Variants in CDK5RAP2 observed in about 807,000 individuals in gnomAD.
CDK5RAP2 encodes CDK5 regulatory subunit associated protein 2, also known as CDK5 regulatory subunit-associated protein 2.
Under a neutral mutation model 232.9 loss-of-function variants are expected in CDK5RAP2, and 147 were observed. The ratio of observed to expected loss-of-function variants is 0.63; its 90% CI spans 0.55 to 0.72. The LOEUF (loss-of-function observed/expected upper bound fraction) is 0.72, where lower values mean the gene tolerates loss of function less well. Ranked by LOEUF, CDK5RAP2 falls within the 30% of genes least tolerant of loss-of-function variation. CDK5RAP2 has a pLI of 0.00. For missense variants in CDK5RAP2, 2,195 were observed against 2,231.5 expected (o/e 0.98, Z 0.33); for synonymous variants, 833 against 833.7 (o/e 1.00, Z 0.01).
intron 32 of CDK5RAP2, among the ~76,000 whole-genome samples, chr9:120,404,784 T>A (rs908154110): frequency 6.6e-6 from 1 of 152,048 alleles, no homozygotes; most frequent in East Asian, 1.9e-4. Context: ...TAACCCACAA[T>A]AGGATCTGGG....
At chr9:120,539,324 T>C (rs1283702688) in intron 5 of CDK5RAP2, among the ~76,000 whole-genome samples, 160 bp from the exon 6 acceptor site, 2 of 152,126 alleles carry the variant, frequency 1.3e-5, no homozygotes, top group Non-Finnish European at 2.9e-5. Flanking sequence ...AAAACACAGA[T>C]AAGAAAAAAA....
chr9:120,463,111 C>T (rs905597753), intron 18 of CDK5RAP2, among the ~76,000 whole-genome samples: 1 of 152,142 alleles, frequency 6.6e-6, no homozygotes, highest in South Asian at 2.1e-4. Context: ...GTGGCTCACA[C>T]CTGTAATCCC....
chr9:120,443,396 G>A (rs2036006224), intron 23 of CDK5RAP2, among the ~76,000 whole-genome samples: 1 of 152,192 alleles, frequency 6.6e-6, no homozygotes, highest in Admixed American at 6.5e-5. Flanking sequence ...ACATGGACGG[G>A]TGGGTTCTGA....
At position 120,518,391 on chromosome 9, in the gene CDK5RAP2, C is replaced by T. The variant is rs554292673; in HGVS notation, c.1311+36G>A. On this transcript the variant is annotated intron_variant, in intron 12 of 37. Coordinates refer to ENST00000349780, the MANE Select transcript of CDK5RAP2 (RefSeq NM_018249.6). ...ACACAGCCACATAGCCCCAAAAGCACTGTCCACTGTGTCAGAAGGGCAGGG... is the reference window on the plus strand; with the variant it reads ...ACACAGCCACATAGCCCCAAAAGCATTGTCCACTGTGTCAGAAGGGCAGGG... 3.2e-5 allele frequency: 50 copies of T among 1,564,626 alleles called. 1 individual carries two copies. The South Asian group carries it at 3.9e-4, about 12-fold the overall frequency.
chr9:120,560,525 A>C (rs1313603071), intron 3 of CDK5RAP2, among the ~76,000 whole-genome samples: 2 of 152,204 alleles, frequency 1.3e-5, no homozygotes, highest in African/African-American at 4.8e-5. Flanking sequence ...TCACAGTCTC[A>C]AGACAGTATG....
chr9:120,406,819 G>A (rs1380217703), intron 32 of CDK5RAP2, 193 bp downstream of exon 32: 1 of 593,130 alleles, frequency 1.7e-6, no homozygotes, highest in African/African-American at 1.9e-5. Flanking sequence ...GCCTCAGATG[G>A]AGATTACGCC....
chr9:120,394,329 G>A (rs1440615103), intron 36 of CDK5RAP2, among the ~76,000 whole-genome samples, 183 bp downstream of exon 36: 1 of 152,142 alleles, frequency 6.6e-6, no homozygotes, highest in Non-Finnish European at 1.5e-5. Flanking sequence ...GCTCTACAAA[G>A]GTGTGTTAAG....
intron 4 of CDK5RAP2, among the ~76,000 whole-genome samples, chr9:120,546,227 T>TA (rs1226305277): frequency 2.0e-5 from 3 of 151,416 alleles, no homozygotes; most frequent in African/African-American, 7.3e-5. Flanking sequence ...TGTTACAGCT[T>TA]AAAAAAAAAT....
chr9:120,531,515 G>T (rs1013909458), intron 7 of CDK5RAP2, among the ~76,000 whole-genome samples: 2 of 152,170 alleles, frequency 1.3e-5, no homozygotes, highest in Admixed American at 6.5e-5. Flanking sequence ...CAAAATAGGG[G>T]TGACTTGTGA....
chr9:120,446,802 A>C (rs1200699491), intron 22 of CDK5RAP2, among the ~76,000 whole-genome samples: 2 of 152,060 alleles, frequency 1.3e-5, no homozygotes, highest in Non-Finnish European at 2.9e-5. Flanking sequence ...TGACTAGTGC[A>C]CTCATTTCCC....
At chr9:120,439,341 A>T in intron 24 of CDK5RAP2, 58 bp downstream of exon 24, 2 of 1,373,398 alleles carry the variant, frequency 1.5e-6, no homozygotes, top group Non-Finnish European at 2.1e-6. Flanking sequence ...GCTCCCACCT[A>T]GTGGCAATAC....
intron 13 of CDK5RAP2, among the ~76,000 whole-genome samples, chr9:120,487,847 A>C (rs946000206): frequency 1.3e-5 from 2 of 152,220 alleles, no homozygotes; most frequent in Admixed American, 1.3e-4. Flanking sequence ...CAAGACTTGC[A>C]CATCAAAACC....
At chr9:120,554,462 CAATATT>C (rs1217302932) in intron 3 of CDK5RAP2, among the ~76,000 whole-genome samples, 1 of 152,150 alleles carries the variant, frequency 6.6e-6, no homozygotes, top group African/African-American at 2.4e-5. Flanking sequence ...GCTTTGGAGA[CAATATT>C]AAGTTCAATC....
chr9:120,499,919 G>T (rs1434195364), intron 12 of CDK5RAP2, among the ~76,000 whole-genome samples: 1 of 152,042 alleles, frequency 6.6e-6, no homozygotes, highest in Non-Finnish European at 1.5e-5. Context: ...ATACTATATG[G>T]CCTACAAAGA....
intron 12 of CDK5RAP2, among the ~76,000 whole-genome samples, chr9:120,497,570 T>C (rs1050609615): frequency 6.6e-6 from 1 of 152,024 alleles, no homozygotes; most frequent in Non-Finnish European, 1.5e-5. Flanking sequence ...AGTGACTTTA[T>C]AGTGAAGAAA....
At chr9:120,564,133 G>A (rs1313976521) in intron 3 of CDK5RAP2, among the ~76,000 whole-genome samples, 1 of 152,018 alleles carries the variant, frequency 6.6e-6, no homozygotes, top group Non-Finnish European at 1.5e-5. Context: ...TAATATCTCC[G>A]ACATCCAGAA....
At chr9:120,451,171 C>A (rs2036461088) in intron 21 of CDK5RAP2, among the ~76,000 whole-genome samples, 1 of 152,182 alleles carries the variant, frequency 6.6e-6, no homozygotes, top group African/African-American at 2.4e-5. Flanking sequence ...AAAATAACAC[C>A]ACACAAAATG....
chr9:120,400,901 G>GAA lies in CDK5RAP2; in HGVS notation c.5308-18_5308-17dup. The GAA allele has an allele frequency of 1.9e-6, 3 of 1,614,110 alleles. No homozygotes were observed. The highest frequency in any genetic ancestry group is 2.5e-6 in the Non-Finnish European group (3 of 1,179,990). ...GGTGTGGACCCTACACGGGGGATATGAAGGCTGTTACGTGCAGTCTTGAAA... is the reference window on the plus strand; with the variant it reads ...GGTGTGGACCCTACACGGGGGATATGAAAAGGCTGTTACGTGCAGTCTTGAAA... On this transcript the variant is annotated splice_polypyrimidine_tract_variant and intron_variant, in intron 34 of 37. Transcript: ENST00000349780.
At chr9:120,432,766 G>A (rs1039858012) in intron 25 of CDK5RAP2, among the ~76,000 whole-genome samples, 2 of 152,212 alleles carry the variant, frequency 1.3e-5, no homozygotes, top group African/African-American at 4.8e-5. Flanking sequence ...ACCAAGGGGA[G>A]TGGCTAGATG....
Sources: gnomAD v4.1 joint callset for allele counts (sites outside exome capture counted in the v4.1 genomes callset) on GRCh38, gnomAD v4.1.1 for gene constraint, MANE v1.5 for transcripts, NCBI Gene and HGNC (gene_info 2026-07-23, HGNC 2026-07-21) for gene names.